Variants in SIRPD observed in about 807,000 individuals in gnomAD.
SIRPD encodes the protein signal-regulatory protein delta.
Under a neutral mutation model 18.0 loss-of-function variants are expected in SIRPD, and 21 were observed. That is an observed-to-expected ratio of 1.17 (90% CI 0.83 to 1.68). SIRPD has a LOEUF of 1.68. Among genes scored for constraint, SIRPD ranks in the 40% most tolerant of loss-of-function variants. SIRPD has a pLI of 0.00. For synonymous variants in SIRPD, 106 were observed against 92.9 expected, an observed-to-expected ratio of 1.14 and a Z score of -0.81; for missense variants, 295 against 238.4, an observed-to-expected ratio of 1.24 and a Z score of -1.56.
At chr20:1,552,125 T>C in intron 1 of SIRPD, 87 bp from the exon 2 acceptor site, 2 of 1,102,980 alleles carry the variant, frequency 1.8e-6, no homozygotes, top group Non-Finnish European at 2.6e-6. Context: ...ATTCATTAAT[T>C]CTTTTAATGA....
chr20:1,535,789 CT>C (rs765768274), intron 3 of SIRPD, among the ~76,000 whole-genome samples: 19 of 152,158 alleles, frequency 1.2e-4, no homozygotes, highest in Non-Finnish European at 2.1e-4. Context: ...GCTCTGTTTT[CT>C]TATCTATGTA....
chr20:1,547,954 T>G (rs1466735304), intron 2 of SIRPD, among the ~76,000 whole-genome samples: 1 of 152,252 alleles, frequency 6.6e-6, no homozygotes, highest in Non-Finnish European at 1.5e-5. Flanking sequence ...CTTGCTGAAC[T>G]TGCTCAGTAG....
At chr20:1,545,872 C>G (rs997598650) in intron 2 of SIRPD, among the ~76,000 whole-genome samples, 1 of 152,172 alleles carries the variant, frequency 6.6e-6, no homozygotes, top group Admixed American at 6.5e-5. Flanking sequence ...GACAGTCAGG[C>G]CACTCTTCTG....
rs571633830 is a variant in SIRPD at position 1,553,639 on chromosome 20, C to T, written c.74-1601G>A. 2.6e-5 allele frequency among the ~76,000 whole-genome samples: 4 copies of T among 152,348 alleles called. No individual in the cohort carries two copies. The South Asian group carries it at 6.2e-4, about 24-fold the overall frequency. ...TTCTTACCATTTAGGCCATGCAGTG[C>T]ACACATGTAGTTGCACCTTGCATAT... On this transcript the variant is annotated intron_variant, in intron 1 of 3. Transcript: ENST00000381623.
At chr20:1,542,669 T>C (rs1297469939) in intron 2 of SIRPD, among the ~76,000 whole-genome samples, 3 of 152,218 alleles carry the variant, frequency 2.0e-5, no homozygotes, top group Non-Finnish European at 2.9e-5. Context: ...GTACTTCCCA[T>C]ACTATGTTGA....
Position 1,535,725 on chromosome 20 carries a change from A to C in SIRPD, c.578-1284T>G, listed in dbSNP as rs1357408725. Among the ~76,000 whole-genome samples, 6 of 152,184 alleles carry C rather than the reference A, an allele frequency of 3.9e-5. No individual in the cohort carries two copies. The East Asian group carries it at 1.2e-3, about 29-fold the overall frequency. On this transcript the variant is annotated intron_variant, in intron 3 of 3. Transcript: ENST00000381623. ...CAGTTTCATGTATTCTATTCTAAGC[A>C]ACAGAAAAAGGACTGACATTGGTGT...
chr20:1,549,488 T>C (rs780014534), intron 2 of SIRPD, among the ~76,000 whole-genome samples: 3 of 151,916 alleles, frequency 2.0e-5, no homozygotes, highest in Admixed American at 6.6e-5. Context: ...TGGATATTGG[T>C]CTTCCTCACA....
chr20:1,553,267 T>C (rs573686717), intron 1 of SIRPD, among the ~76,000 whole-genome samples: 2 of 152,242 alleles, frequency 1.3e-5, no homozygotes, highest in African/African-American at 4.8e-5. Context: ...TTGACTTGTA[T>C]GGGGAATGGG....
intron 2 of SIRPD, among the ~76,000 whole-genome samples, chr20:1,542,843 G>A (rs2090978264): frequency 6.6e-6 from 1 of 152,160 alleles, no homozygotes; most frequent in East Asian, 1.9e-4. Context: ...TTAGCATGAA[G>A]GGTGTTGAAT....
intron 2 of SIRPD, among the ~76,000 whole-genome samples, chr20:1,540,700 TAC>T (rs1306355357): frequency 1.3e-5 from 2 of 152,228 alleles, no homozygotes; most frequent in African/African-American, 4.8e-5. Flanking sequence ...GCAGGTTTGT[TAC>T]ACAGTTATAC....
intron 1 of SIRPD, among the ~76,000 whole-genome samples, chr20:1,556,529 T>C (rs2091042244): frequency 6.6e-6 from 1 of 152,182 alleles, no homozygotes. Context: ...TAACCACAAG[T>C]AGCTCAGAAT....
chr20:1,548,104 C>T (rs1341361407), intron 2 of SIRPD, among the ~76,000 whole-genome samples: 2 of 152,122 alleles, frequency 1.3e-5, no homozygotes, highest in East Asian at 3.8e-4. Flanking sequence ...AATTTTAGTA[C>T]AACGTTGAGT....
intron 1 of SIRPD, among the ~76,000 whole-genome samples, chr20:1,556,038 G>A (rs1256344194): frequency 2.6e-5 from 4 of 152,184 alleles, no homozygotes; most frequent in Non-Finnish European, 5.9e-5. Flanking sequence ...TGCCATGTGG[G>A]CCTTCTCACA....
At chr20:1,551,042 G>A (rs976084854) in intron 2 of SIRPD, among the ~76,000 whole-genome samples, 3 of 152,156 alleles carry the variant, frequency 2.0e-5, no homozygotes, top group African/African-American at 7.2e-5. Flanking sequence ...TGGGATGTGC[G>A]ACTTTTATCA....
chr20:1,553,076 C>T (rs1248634498), intron 1 of SIRPD, among the ~76,000 whole-genome samples: 1 of 152,166 alleles, frequency 6.6e-6, no homozygotes, highest in Non-Finnish European at 1.5e-5. Flanking sequence ...AACAGTGGGG[C>T]TGGGCATGGA....
At chr20:1,536,129 G>A (rs1268541465) in intron 3 of SIRPD, among the ~76,000 whole-genome samples, 2 of 152,184 alleles carry the variant, frequency 1.3e-5, no homozygotes, top group African/African-American at 4.8e-5. Context: ...GATGCAGCAG[G>A]ACTATTTTCG....
chr20:1,551,698 A>C lies in SIRPD; in HGVS notation c.414T>G (p.Phe138Leu), dbSNP rs377454692. Reference protein sequence around the residue: ...EYQSGRGTQVFVTEQNPRPPK... With the variant: ...EYQSGRGTQVLVTEQNPRPPK... ...TATAGGAGACATACTCACCAGTAAC[A>C]AACACCTGAGTGCCCCGACCTGATT... is the stretch of plus-strand genomic sequence containing the variant. The change falls in exon 2 of 4, where the codon TTT becomes TTG. Residue 138 changes from phenylalanine (F) to leucine (L), a missense_variant. Coordinates refer to ENST00000381623, the MANE Select transcript of SIRPD (RefSeq NM_178460.3). 1 of 1,611,894 alleles carries C rather than the reference A, an allele frequency of 6.2e-7. No individual in the cohort carries two copies. The highest frequency in any genetic ancestry group is 1.3e-5 in the African/African-American group (1 of 75,002).
intron 2 of SIRPD, among the ~76,000 whole-genome samples, chr20:1,545,172 T>C (rs577022050): frequency 8.5e-5 from 13 of 152,344 alleles, no homozygotes; most frequent in African/African-American, 3.1e-4. Context: ...TCTTTCTAAG[T>C]TGGGGAAGTT....
intron 1 of SIRPD, 70 bp from the exon 2 acceptor site, chr20:1,552,108 G>T: frequency 1.5e-6 from 2 of 1,295,192 alleles, no homozygotes; most frequent in Non-Finnish European, 1.1e-6. Context: ...GGTCACGGTT[G>T]GGCCTCATTC....
Sources: allele counts gnomAD v4.1 joint callset (sites outside exome capture counted in the v4.1 genomes callset), GRCh38; gene constraint gnomAD v4.1.1; transcripts MANE v1.5; gene names NCBI Gene and HGNC (gene_info 2026-07-23, HGNC 2026-07-21).